Variants in LCMT1 observed in about 807,000 individuals in gnomAD.
LCMT1 encodes the protein leucine carboxyl methyltransferase 1.
LCMT1 carries 32 observed loss-of-function variants against 47.7 expected under a neutral mutation model. That is an observed-to-expected ratio of 0.67 (90% confidence interval 0.51 to 0.90). The LOEUF is 0.90. Among genes scored for constraint, LCMT1 ranks in the 40% least tolerant of loss-of-function variants. The pLI, the probability that LCMT1 is intolerant of heterozygous loss-of-function variation, is 0.00. For synonymous variants in LCMT1, 152 were observed against 149.7 expected, an observed-to-expected ratio of 1.02 and a Z score of -0.11; for missense variants, 375 against 415.2, an observed-to-expected ratio of 0.90 and a Z score of 0.84.
chr16:25,176,849 A>G (rs1179466787), intron 10 of LCMT1, among the ~76,000 whole-genome samples: 1 of 149,194 alleles, frequency 6.7e-6, no homozygotes, highest in Non-Finnish European at 1.5e-5. Flanking sequence ...GGCATGAGCC[A>G]TTGTGCCTGG....
At chr16:25,125,541 ATAGT>A (rs1960141026) in intron 1 of LCMT1, among the ~76,000 whole-genome samples, 1 of 152,090 alleles carries the variant, frequency 6.6e-6, no homozygotes, top group African/African-American at 2.4e-5. Context: ...AGATTAAATA[ATAGT>A]TTTGTTGGGT....
At chr16:25,138,858 C>T (rs908695649) in intron 3 of LCMT1, among the ~76,000 whole-genome samples, 1 of 152,198 alleles carries the variant, frequency 6.6e-6, no homozygotes, top group Non-Finnish European at 1.5e-5. Context: ...AGGCCATTTC[C>T]TGTGAGCCCC....
At chr16:25,172,124 G>A (rs867929165) in intron 9 of LCMT1, among the ~76,000 whole-genome samples, 40 of 152,170 alleles carry the variant, frequency 2.6e-4, no homozygotes, top group African/African-American at 8.4e-4. Context: ...TGGCCAACAT[G>A]GTGAAACCCT....
At chr16:25,176,348 G>A (rs1236568600) in intron 10 of LCMT1, among the ~76,000 whole-genome samples, 7 of 151,904 alleles carry the variant, frequency 4.6e-5, no homozygotes, top group African/African-American at 1.4e-4. Context: ...CATGACATGT[G>A]GTCACAAGCG....
At chr16:25,131,365 C>A (rs1051828968) in intron 2 of LCMT1, among the ~76,000 whole-genome samples, 2 of 152,256 alleles carry the variant, frequency 1.3e-5, no homozygotes, top group African/African-American at 4.8e-5. Flanking sequence ...CTTTAGAATG[C>A]AGCCAGATTG....
At position 25,118,194 on chromosome 16, in the gene LCMT1, C is replaced by G. The variant is rs549880690; in HGVS notation, c.113+6198C>G. ...ATTAGAAAAAGACCAGCATTTCTTA[C>G]GTGGGCTATAGGGCCCAGCCTGCTC... On this transcript the variant is annotated intron_variant, in intron 1 of 10. Transcript: ENST00000399069. Among the ~76,000 whole-genome samples the G allele has an allele frequency of 4.5e-4, 69 of 152,210 alleles. No individual in the cohort carries two copies. In the Middle Eastern group the frequency reaches 0.01, roughly 23 times the overall value.
intron 1 of LCMT1, chr16:25,126,051 G>A: frequency 7.4e-7 from 1 of 1,351,522 alleles, no homozygotes; most frequent in South Asian, 1.1e-5. Flanking sequence ...ACTCTGATAG[G>A]CTGGACAGTG....
At chr16:25,167,386 T>G (rs1961618623) in intron 7 of LCMT1, among the ~76,000 whole-genome samples, 1 of 151,950 alleles carries the variant, frequency 6.6e-6, no homozygotes, top group Non-Finnish European at 1.5e-5. Flanking sequence ...GGTGCCGTCA[T>G]AGCTCACTGC....
At chr16:25,167,866 T>G (rs1020337017) in intron 7 of LCMT1, among the ~76,000 whole-genome samples, 3 of 152,070 alleles carry the variant, frequency 2.0e-5, no homozygotes, top group Admixed American at 1.3e-4. Context: ...GTTCAAGAGA[T>G]TCTCCTGCCT....
rs1319447778 is a variant in LCMT1 at position 25,177,987 on chromosome 16, G to C, written c.983-14G>C. 20 of 1,613,546 alleles carry C rather than the reference G, an allele frequency of 1.2e-5. No individual in the cohort carries two copies. The highest frequency in any genetic ancestry group is 1.4e-5 in the Non-Finnish European group (17 of 1,179,550). On this transcript the variant is annotated splice_polypyrimidine_tract_variant and intron_variant, in intron 10 of 10. Coordinates refer to ENST00000399069, the MANE Select transcript of LCMT1 (RefSeq NM_016309.3). ...CAGAGTCTCCTAATGGTGTCTGTGT[G>C]TCTCTCCCCTCAGGGCTGAAGGAGA...
chr16:25,120,458 T>C (rs184306135), intron 1 of LCMT1, among the ~76,000 whole-genome samples: 4 of 149,708 alleles, frequency 2.7e-5, no homozygotes, highest in Admixed American at 2.0e-4. Context: ...AGAGTCTCGC[T>C]CTGTCACCCA....
chr16:25,160,917 A>C, intron 5 of LCMT1, 185 bp from the exon 6 acceptor site: 1 of 638,444 alleles, frequency 1.6e-6, no homozygotes, highest in Middle Eastern at 2.5e-4. Context: ...CTGAAATGTT[A>C]CACACCAAAA....
chr16:25,133,105 C>T (rs944747346), intron 3 of LCMT1, among the ~76,000 whole-genome samples: 2 of 152,128 alleles, frequency 1.3e-5, no homozygotes, highest in East Asian at 1.9e-4. Flanking sequence ...AAGCGATCCT[C>T]CTGCCTCAGC....
rs1032604587 is a variant in LCMT1 at position 25,174,752 on chromosome 16, T to G, written c.885-185T>G. On this transcript the variant is annotated intron_variant, in intron 9 of 10. Transcript: ENST00000399069. ...TTGGCATTTGTATTTTGACTTTGTT[T>G]ATGGTATTTTTTCTTCTTTTCAGTG... The G allele has an allele frequency of 1.3e-5, 5 of 372,686 alleles. No homozygotes were observed. In the East Asian group the frequency reaches 1.6e-4, roughly 12 times the overall value. The allele number at this position is 372,686 out of a possible 1,614,324, so 23.1% of individuals were successfully genotyped here.
At chr16:25,118,462 A>G (rs1380560583) in intron 1 of LCMT1, among the ~76,000 whole-genome samples, 1 of 151,998 alleles carries the variant, frequency 6.6e-6, no homozygotes, top group Non-Finnish European at 1.5e-5. Flanking sequence ...GCTGTCCTAG[A>G]CCCTGCCAAT....
chr16:25,170,812 G>C lies in LCMT1; in HGVS notation c.884+7G>C, dbSNP rs771861660. The C allele has an allele frequency of 1.9e-6, 3 of 1,593,786 alleles. No homozygotes were observed. The South Asian group carries it at 3.4e-5, about 18-fold the overall frequency. ...CTCGAGCTGAAGTGAGCAGGTATGGGGTTGGTGAGCGTCAGCTTGATGGGC... is the reference window on the plus strand; with the variant it reads ...CTCGAGCTGAAGTGAGCAGGTATGGCGTTGGTGAGCGTCAGCTTGATGGGC... On this transcript the variant is annotated splice_region_variant and intron_variant, in intron 9 of 10. Coordinates refer to ENST00000399069, the MANE Select transcript of LCMT1 (RefSeq NM_016309.3).
chr16:25,119,545 A>G (rs1025800438), intron 1 of LCMT1, among the ~76,000 whole-genome samples: 14 of 152,070 alleles, frequency 9.2e-5, no homozygotes, highest in African/African-American at 2.7e-4. Flanking sequence ...TTAGTGGTCT[A>G]TGTGTTCTAG....
intron 10 of LCMT1, 122 bp from the exon 11 acceptor site, chr16:25,177,879 G>A: frequency 1.3e-6 from 1 of 778,622 alleles, no homozygotes; most frequent in Non-Finnish European, 2.3e-6. Flanking sequence ...TAGCAGGAGG[G>A]CGGTGCTACA....
At chr16:25,123,171 TG>T (rs1005727721) in intron 1 of LCMT1, among the ~76,000 whole-genome samples, 18 of 152,056 alleles carry the variant, frequency 1.2e-4, no homozygotes, top group African/African-American at 4.1e-4. Context: ...AACTATTTAA[TG>T]GTCTGTATTT....
Sources: allele counts gnomAD v4.1 joint callset (sites outside exome capture counted in the v4.1 genomes callset), GRCh38; gene constraint gnomAD v4.1.1; transcripts MANE v1.5; gene names NCBI Gene and HGNC (gene_info 2026-07-23, HGNC 2026-07-21).